ZFHX3: variants seen among roughly 807,000 people sequenced by gnomAD.
ZFHX3 encodes zinc finger homeobox 3, also known as zinc finger homeobox protein 3.
A neutral mutation model predicts 279.1 loss-of-function variants in ZFHX3; 42 were observed. The ratio of observed to expected loss-of-function variants is 0.15; its 90% CI spans 0.12 to 0.19. ZFHX3 has a LOEUF of 0.19. ZFHX3 is among the 10% of genes least tolerant of loss of function. ZFHX3 has a pLI of 1.00. For synonymous variants in ZFHX3, 2,293 were observed against 1,957.8 expected (o/e 1.17, Z -4.52); for missense variants, 4,981 against 4,754.0 (o/e 1.05, Z -1.40).
intron 7 of ZFHX3, among the ~76,000 whole-genome samples, chr16:73,124,842 T>C (rs528418111): frequency 6.6e-6 from 1 of 152,268 alleles, no homozygotes; most frequent in South Asian, 2.1e-4. Context: ...ACAGGACCCA[T>C]AACCTTGTGT....
intron 1 of ZFHX3, among the ~76,000 whole-genome samples, chr16:73,837,558 C>G (rs142528404): frequency 7.7e-4 from 118 of 152,346 alleles, no homozygotes; most frequent in African/African-American, 2.7e-3. Flanking sequence ...ACTAACAGCA[C>G]AAGAATTCTT....
At chr16:73,521,781 A>T (rs1412328849) in intron 2 of ZFHX3, among the ~76,000 whole-genome samples, 1 of 152,132 alleles carries the variant, frequency 6.6e-6, no homozygotes, top group African/African-American at 2.4e-5. Flanking sequence ...TAAACTTGGA[A>T]CTCTGATCAA....
At chr16:73,092,017 T>C (rs1306472377) in intron 8 of ZFHX3, among the ~76,000 whole-genome samples, 1 of 152,246 alleles carries the variant, frequency 6.6e-6, no homozygotes, top group Non-Finnish European at 1.5e-5. Context: ...TTGAACATAG[T>C]GATGTAGTGT....
intron 2 of ZFHX3, among the ~76,000 whole-genome samples, chr16:73,476,541 G>A (rs1324985641): frequency 6.6e-6 from 1 of 152,106 alleles, no homozygotes; most frequent in African/African-American, 2.4e-5. Context: ...TTGCTCTAAT[G>A]GAGTATACAC....
chr16:73,253,538 G>A lies in ZFHX3; in HGVS notation c.-1104+3509C>T, dbSNP rs551703891. On this transcript the variant is annotated intron_variant, in intron 5 of 17. Coordinates refer to the ZFHX3 transcript ENST00000641206. ...ATGATCTCGGCTCACTGCAAGCTCC[G>A]CCTCTCAGGTTCACGCCATTCTCCT... Among the ~76,000 whole-genome samples, 9 of 150,042 alleles carry A rather than the reference G, an allele frequency of 6.0e-5. 1 individual carries two copies. The South Asian group carries it at 1.7e-3, about 28-fold the overall frequency.
chr16:73,730,685 T>C lies in ZFHX3; in HGVS notation c.-1607-50445A>G, dbSNP rs149543256. The stretch of plus-strand genomic sequence containing the variant: ...AGCCTCGTTTATGCTAATGAAGTCC[T>C]TTATTGGTCCAACAGGACGGAAAGA... On this transcript the variant is annotated intron_variant, in intron 1 of 17. Transcript: ENST00000641206. Among the ~76,000 whole-genome samples, 516 of 152,340 alleles carry C rather than the reference T, an allele frequency of 3.4e-3. 1 individual carries two copies. Among genetic ancestry groups the C allele is most frequent in the African/African-American group, 0.012 (501 of 41,588 alleles).
chr16:73,810,163 C>T (rs1960389157), intron 1 of ZFHX3, among the ~76,000 whole-genome samples: 1 of 152,184 alleles, frequency 6.6e-6, no homozygotes. Flanking sequence ...GCCACCTCCA[C>T]TTCCACTGAC....
At chr16:73,259,904 G>A (rs1055535474) in intron 4 of ZFHX3, among the ~76,000 whole-genome samples, 1 of 152,078 alleles carries the variant, frequency 6.6e-6, no homozygotes, top group African/African-American at 2.4e-5. Context: ...AATTAACATT[G>A]CTATAATACC....
chr16:73,195,397 T>C (rs963911183), intron 5 of ZFHX3, among the ~76,000 whole-genome samples: 11 of 149,060 alleles, frequency 7.4e-5, no homozygotes, highest in African/African-American at 2.5e-4. Flanking sequence ...CTACAAAATA[T>C]GGTTGTGTCT....
Position 73,769,019 on chromosome 16 carries a change from T to C in ZFHX3, c.-1607-88779A>G, listed in dbSNP as rs145001012. On this transcript the variant is annotated intron_variant, in intron 1 of 17. Transcript: ENST00000641206. ...GGTACAAATATGCCCCATGCCATAT[T>C]TGGGGCATGTACTTAAAAAATGATT... 5.3e-5 allele frequency among the ~76,000 whole-genome samples: 8 copies of C among 152,234 alleles called. No homozygotes were observed. The East Asian group carries it at 5.8e-4, about 11-fold the overall frequency.
intron 1 of ZFHX3, among the ~76,000 whole-genome samples, chr16:73,782,098 CAGAA>C (rs1331508065): frequency 2.6e-5 from 4 of 152,226 alleles, no homozygotes; most frequent in Non-Finnish European, 4.4e-5. Flanking sequence ...CTGATCTCTA[CAGAA>C]AGACTCTCTT....
rs112404936 is a variant in ZFHX3 at position 72,957,567 on chromosome 16, T to C, written c.2579A>G (p.Glu860Gly). 1 of 1,614,156 alleles carries C rather than the reference T, an allele frequency of 6.2e-7. No individual in the cohort carries two copies. The highest frequency in any genetic ancestry group is 1.6e-4 in the Middle Eastern group (1 of 6,062). ...CTGGGCCAGGTAGTATTGGTAGAGC[T>C]CGGCCTCGGCGGGTGAGGGCAGGCT... ...LGSLPSPAEA[E>G]LYQYYLAQNM... The change falls in exon 2 of 10, where the codon GAG becomes GGG. Residue 860 changes from glutamate (E) to glycine (G), a missense_variant. This residue lies in a region of ZFHX3 where 1,751 missense variants were observed against 1,770.0 expected (regional missense o/e 0.99). Transcript: ENST00000268489.
chr16:73,610,739 G>T (rs538220541), intron 2 of ZFHX3, among the ~76,000 whole-genome samples: 9 of 152,196 alleles, frequency 5.9e-5, no homozygotes, highest in Non-Finnish European at 1.3e-4. Flanking sequence ...GATAGAAAGG[G>T]ATTGTTACAT....
chr16:73,730,798 A>C (rs746290216), intron 1 of ZFHX3, among the ~76,000 whole-genome samples: 9 of 152,142 alleles, frequency 5.9e-5, no homozygotes, highest in Non-Finnish European at 1.3e-4. Flanking sequence ...CATGGCCACC[A>C]TTTTTGTCTC....
intron 7 of ZFHX3, among the ~76,000 whole-genome samples, chr16:73,120,989 T>G (rs1047069019): frequency 2.0e-5 from 3 of 152,132 alleles, no homozygotes; most frequent in African/African-American, 4.8e-5. Context: ...TACATCTATT[T>G]ATCCGCTTAA....
rs889269960 is a variant in ZFHX3 at position 73,279,120 on chromosome 16, AT to A, written c.-1193-21985del. Among the ~76,000 whole-genome samples, 64 of 150,186 alleles carry A rather than the reference AT, an allele frequency of 4.3e-4. 1 individual carries two copies. The highest frequency in any genetic ancestry group is 4.2e-4 in the South Asian group (2 of 4,712). ...AATTACAATGCTAATCATCTTAGGGATTTTTTTTTTCTCACCTTACAGTTAA... is the reference window on the plus strand; with the variant it reads ...AATTACAATGCTAATCATCTTAGGGATTTTTTTTTCTCACCTTACAGTTAA... On this transcript the variant is annotated intron_variant, in intron 4 of 17. Coordinates refer to the ZFHX3 transcript ENST00000641206.
chr16:72,994,689 G>T (rs1400058342), intron 1 of ZFHX3, among the ~76,000 whole-genome samples: 1 of 152,238 alleles, frequency 6.6e-6, no homozygotes, highest in Non-Finnish European at 1.5e-5. Context: ...CACTTAGGCT[G>T]CCTCCTAACA....
chr16:73,122,013 A>G (rs2144809313), intron 7 of ZFHX3, among the ~76,000 whole-genome samples: 1 of 152,298 alleles, frequency 6.6e-6, no homozygotes, highest in Middle Eastern at 3.4e-3. Flanking sequence ...GAATATTATT[A>G]TTCATGAATA....
At chr16:73,404,691 T>C (rs920874806) in intron 3 of ZFHX3, among the ~76,000 whole-genome samples, 3 of 152,170 alleles carry the variant, frequency 2.0e-5, no homozygotes, top group Non-Finnish European at 4.4e-5. Context: ...GTACTATTAT[T>C]ATCCCCGTTT....
Sources: allele counts gnomAD v4.1 joint callset (sites outside exome capture counted in the v4.1 genomes callset), GRCh38; gene constraint gnomAD v4.1.1; regional missense constraint gnomAD v4.1.1; transcripts MANE v1.5; gene names NCBI Gene and HGNC (gene_info 2026-07-23, HGNC 2026-07-21).